Variants in MGAT4A observed in about 807,000 individuals in gnomAD.
MGAT4A encodes alpha-1,3-mannosyl-glycoprotein 4-beta-N-acetylglucosaminyltransferase A, also known as N-acetylglucosaminyltransferase IVa.
In MGAT4A, 33 loss-of-function variants were observed where a neutral mutation model predicts 74.1. The ratio of observed to expected loss-of-function variants is 0.45; its 90% confidence interval spans 0.34 to 0.60. The LOEUF (loss-of-function observed/expected upper bound fraction) is 0.60. MGAT4A is among the 20% of genes least tolerant of loss of function. The pLI, the probability that MGAT4A is intolerant of heterozygous loss-of-function variation, is 0.02. For synonymous variants in MGAT4A, 198 were observed against 210.4 expected (o/e 0.94, Z 0.51); for missense variants, 479 against 628.3 (o/e 0.76, Z 2.54).
chr2:98,636,080 C>T (rs923966314), intron 13 of MGAT4A, among the ~76,000 whole-genome samples: 2 of 151,950 alleles, frequency 1.3e-5, no homozygotes, highest in Admixed American at 6.6e-5. Context: ...GCAACCTCCA[C>T]CTCCCAGGTT....
chr2:98,621,471 C>T lies in MGAT4A; in HGVS notation c.*4095G>A. 1.3e-6 allele frequency: 2 copies of T among 1,551,680 alleles called. No homozygotes were observed. The highest frequency in any genetic ancestry group is 2.4e-5 in the East Asian group (1 of 40,922). ...TGCCTGAGGTCCTTCTGCTTTGTCT[C>T]TTGACTTCTGCCACCAGCCCGAGAA... On this transcript the variant is annotated 3_prime_UTR_variant, in exon 16 of 16. Transcript: ENST00000393487.
At chr2:98,687,754 GTCC>G (rs1702147889) in intron 2 of MGAT4A, among the ~76,000 whole-genome samples, 1 of 151,782 alleles carries the variant, frequency 6.6e-6, no homozygotes, top group Non-Finnish European at 1.5e-5. Context: ...GGTTTAAACA[GTCC>G]ACTCACTTGC....
chr2:98,623,881 C>T lies in MGAT4A; in HGVS notation c.*1685G>A, dbSNP rs539744947. 8.2e-5 allele frequency: 81 copies of T among 985,506 alleles called. No homozygotes were observed. Among genetic ancestry groups the T allele is most frequent in the African/African-American group, 5.9e-4 (34 of 57,386 alleles). The allele number at this position is 985,506 out of a possible 1,614,324, so 61.0% of individuals were successfully genotyped here. ...GCAGCCAGCTGGAACCTTGCCCCAG[C>T]GCTAGGCCCCAGCCAGTGGTCACTC... On this transcript the variant is annotated 3_prime_UTR_variant, in exon 16 of 16. Coordinates refer to ENST00000393487, the MANE Select transcript of MGAT4A (RefSeq NM_012214.3).
intron 13 of MGAT4A, among the ~76,000 whole-genome samples, chr2:98,635,560 A>G (rs540376509): frequency 6.6e-6 from 1 of 152,352 alleles, no homozygotes; most frequent in South Asian, 2.1e-4. Context: ...TTAAAACTAT[A>G]GAAGAACTGT....
Position 98,639,375 on chromosome 2 carries a change from C to T in MGAT4A, c.1322+433G>A, listed in dbSNP as rs78454177. The stretch of plus-strand genomic sequence containing the variant: ...GGCTGTAAATTTCTCCCTGGTGTAC[C>T]GAAAATAACCTAGCATTTGTAAAAC... On this transcript the variant is annotated intron_variant, in intron 12 of 15. Coordinates refer to ENST00000393487, the MANE Select transcript of MGAT4A (RefSeq NM_012214.3). Among the ~76,000 whole-genome samples the T allele has an allele frequency of 4.8e-3, 724 of 151,834 alleles. 4 individuals carry two copies. The highest frequency in any genetic ancestry group is 0.024 in the Middle Eastern group (7 of 290).
At chr2:98,669,075 G>A (rs182923201) in intron 4 of MGAT4A, among the ~76,000 whole-genome samples, 13 of 152,302 alleles carry the variant, frequency 8.5e-5, no homozygotes, top group African/African-American at 2.6e-4. Flanking sequence ...TTGAGTTAAT[G>A]CTGAAAAGAG....
intron 1 of MGAT4A, among the ~76,000 whole-genome samples, chr2:98,728,100 A>G (rs1307506952): frequency 6.6e-6 from 1 of 152,198 alleles, no homozygotes; most frequent in Non-Finnish European, 1.5e-5. Context: ...GTGTAAATTA[A>G]AAAAATAAAT....
chr2:98,654,060 C>T (rs753135897), intron 8 of MGAT4A, among the ~76,000 whole-genome samples: 20 of 151,846 alleles, frequency 1.3e-4, no homozygotes, highest in Non-Finnish European at 2.4e-4. Context: ...AGGAAAAAAA[C>T]ACATGATCAT....
chr2:98,709,899 C>T lies in MGAT4A; in HGVS notation c.94+16340G>A, dbSNP rs1396960884. Among the ~76,000 whole-genome samples, 7 of 152,340 alleles carry T rather than the reference C, an allele frequency of 4.6e-5. No homozygotes were observed. The East Asian group carries it at 1.3e-3, about 29-fold the overall frequency. On this transcript the variant is annotated intron_variant, in intron 2 of 15. Coordinates refer to ENST00000393487, the MANE Select transcript of MGAT4A (RefSeq NM_012214.3). ...TCCTTTAAGTAAGAAATTCAGGCTA[C>T]CCAGTTTCCCTATAAAACTCCAGTC...
intron 8 of MGAT4A, among the ~76,000 whole-genome samples, chr2:98,647,724 G>GT (rs1244656132): frequency 2.6e-5 from 4 of 152,202 alleles, no homozygotes; most frequent in African/African-American, 9.7e-5. Flanking sequence ...TCAACTCAGA[G>GT]TTTTTTGCAA....
chr2:98,625,441 C>T lies in MGAT4A; in HGVS notation c.*125G>A. ...AGATTCACTTTCCAAGTGGAAATGA[C>T]AATCGTCTTATCTACAGTAGACTTC... On this transcript the variant is annotated 3_prime_UTR_variant, in exon 16 of 16. Transcript: ENST00000393487. 1 of 1,486,336 alleles carries T rather than the reference C, an allele frequency of 6.7e-7. No individual in the cohort carries two copies. The highest frequency in any genetic ancestry group is 8.9e-7 in the Non-Finnish European group (1 of 1,122,126). 92.1% of individuals were successfully genotyped at this position (1,486,336 alleles called of 1,614,324 possible). A position where few individuals can be genotyped will look rare whatever the true frequency, so the allele number is the denominator to read the frequency against.
intron 2 of MGAT4A, among the ~76,000 whole-genome samples, chr2:98,722,929 C>T (rs985089836): frequency 2.0e-5 from 3 of 152,172 alleles, no homozygotes; most frequent in African/African-American, 7.2e-5. Flanking sequence ...AGCCATGCTC[C>T]TCCTGGCAAG....
At chr2:98,679,276 G>A (rs1702022750) in intron 2 of MGAT4A, among the ~76,000 whole-genome samples, 1 of 151,936 alleles carries the variant, frequency 6.6e-6, no homozygotes, top group African/African-American at 2.4e-5. Flanking sequence ...AGCGGTGGTG[G>A]GCGCCTGTAG....
At chr2:98,708,489 C>T (rs1189292110) in intron 2 of MGAT4A, among the ~76,000 whole-genome samples, 1 of 152,092 alleles carries the variant, frequency 6.6e-6, no homozygotes, top group Non-Finnish European at 1.5e-5. Context: ...AAAAGTTATA[C>T]CTGCCGTAAA....
chr2:98,719,277 A>G (rs1374667459), intron 2 of MGAT4A, among the ~76,000 whole-genome samples: 1 of 152,260 alleles, frequency 6.6e-6, no homozygotes, highest in East Asian at 1.9e-4. Flanking sequence ...AGGAACCACC[A>G]TTTAGTTTGT....
intron 2 of MGAT4A, among the ~76,000 whole-genome samples, chr2:98,693,384 G>GA (rs984831809): frequency 3.3e-5 from 5 of 152,024 alleles, no homozygotes; most frequent in African/African-American, 9.7e-5. Flanking sequence ...CTGAAAAAGA[G>GA]AAAAAAATGC....
intron 3 of MGAT4A, among the ~76,000 whole-genome samples, chr2:98,677,320 T>C (rs1701988170): frequency 6.6e-6 from 1 of 152,214 alleles, no homozygotes. Context: ...CCATCTGAAG[T>C]CCACACATAA....
intron 4 of MGAT4A, among the ~76,000 whole-genome samples, chr2:98,672,530 T>C (rs992216241): frequency 6.6e-6 from 1 of 152,224 alleles, no homozygotes; most frequent in African/African-American, 2.4e-5. Context: ...CTACCCTGAA[T>C]GGGCCCTTTA....
chr2:98,728,043 G>T lies in MGAT4A; in HGVS notation c.-235-1476C>A, dbSNP rs375186575. Among the ~76,000 whole-genome samples the T allele has an allele frequency of 2.9e-3, 439 of 152,208 alleles. 2 individuals carry two copies. The highest frequency in any genetic ancestry group is 0.01 in the African/African-American group (420 of 41,524). ...TGGCAATATGAAGAGAAGTTCCAGG[G>T]ATACTCCAAGTATCAGGTAAAACTG... On this transcript the variant is annotated intron_variant, in intron 1 of 15. Coordinates refer to ENST00000393487, the MANE Select transcript of MGAT4A (RefSeq NM_012214.3).
Sources: gnomAD v4.1 joint callset for allele counts (sites outside exome capture counted in the v4.1 genomes callset) on GRCh38, gnomAD v4.1.1 for gene constraint, MANE v1.5 for transcripts, NCBI Gene and HGNC (gene_info 2026-07-23, HGNC 2026-07-21) for gene names.